The following SPA17 variants were observed in gnomAD, a reference collection of about 807,000 sequenced individuals.
SPA17 encodes the protein sperm surface protein Sp17.
Under a neutral mutation model 13.8 loss-of-function variants are expected in SPA17, and 7 were observed. The observed-to-expected ratio is 0.51, with a 90% CI of 0.29 to 0.95. SPA17 has a LOEUF of 0.95. SPA17 is among the 40% of genes least tolerant of loss of function. The pLI, the probability that SPA17 is intolerant of heterozygous loss-of-function variation, is 0.08. For missense variants in SPA17, 170 were observed against 179.3 expected (o/e 0.95, Z 0.30); for synonymous variants, 61 against 59.0 (o/e 1.03, Z -0.16).
intron 2 of SPA17, among the ~76,000 whole-genome samples, chr11:124,680,285 GA>G (rs536464866): frequency 9.2e-5 from 14 of 151,920 alleles, no homozygotes; most frequent in East Asian, 3.9e-4. Flanking sequence ...TATACTTGCA[GA>G]AAAAAAATCA....
intron 4 of SPA17, among the ~76,000 whole-genome samples, chr11:124,693,791 A>G (rs572311732): frequency 6.6e-6 from 1 of 152,302 alleles, no homozygotes; most frequent in East Asian, 1.9e-4. Context: ...CCAAAGTTCA[A>G]CCAACCCTGT....
Position 124,673,970 on chromosome 11 carries a change from C to T in SPA17, c.-28+18C>T. Reference sequence around the variant, plus strand: ...GAAAGGAGGTGAGGCCGCTTCCCCACTTCCTCTCCGATACCAAGACCTAGC... The same window carrying T: ...GAAAGGAGGTGAGGCCGCTTCCCCATTTCCTCTCCGATACCAAGACCTAGC... On this transcript the variant is annotated intron_variant, in intron 1 of 4. Transcript: ENST00000227135. The T allele has an allele frequency of 1.8e-6, 1 of 552,054 alleles. No individual in the cohort carries two copies. The highest frequency in any genetic ancestry group is 3.2e-6 in the Non-Finnish European group (1 of 308,844). The allele number at this position is 552,054 out of a possible 1,614,324, so 34.2% of individuals were successfully genotyped here. A position where few individuals can be genotyped will look rare whatever the true frequency, so the allele number is the denominator to read the frequency against.
At chr11:124,689,512 C>G (rs1411762994) in intron 3 of SPA17, among the ~76,000 whole-genome samples, 2 of 152,036 alleles carry the variant, frequency 1.3e-5, no homozygotes, top group Non-Finnish European at 2.9e-5. Flanking sequence ...AAGGGCTGGG[C>G]GTGGTGGTTC....
intron 3 of SPA17, among the ~76,000 whole-genome samples, chr11:124,683,257 A>T (rs1400161494): frequency 6.6e-6 from 1 of 152,226 alleles, no homozygotes; most frequent in Non-Finnish European, 1.5e-5. Flanking sequence ...GGAAGCAAAA[A>T]AATGGAAGTT....
Position 124,696,522 on chromosome 11 carries a change from G to T in SPA17, c.*2076G>T, listed in dbSNP as rs678485. 0.99 allele frequency: 150,715 copies of T among 152,332 alleles called. 74,561 individuals carry two copies. The highest frequency in any genetic ancestry group is 1 in the East Asian group (5,186 of 5,186). The allele number at this position is 152,332 out of a possible 1,614,324, so 9.4% of individuals were successfully genotyped here. A position where few individuals can be genotyped will look rare whatever the true frequency, so the allele number is the denominator to read the frequency against. The stretch of plus-strand genomic sequence containing the variant: ...ACACAGATCTCATGGTAGTGATATT[G>T]GTAGTGAAGGAGGAAAAGGAAAAGG... On this transcript the variant is annotated 3_prime_UTR_variant, in exon 5 of 5. Coordinates refer to ENST00000227135, the MANE Select transcript of SPA17 (RefSeq NM_017425.4).
At chr11:124,688,004 C>G (rs1392696392) in intron 3 of SPA17, among the ~76,000 whole-genome samples, 3 of 152,048 alleles carry the variant, frequency 2.0e-5, no homozygotes, top group African/African-American at 7.2e-5. Flanking sequence ...TATCTCTGTT[C>G]ACTGATATAT....
Position 124,691,732 on chromosome 11 carries a change from G to C in SPA17, c.262G>C (p.Glu88Gln). The C allele has an allele frequency of 6.2e-7, 1 of 1,612,520 alleles. No homozygotes were observed. Among genetic ancestry groups the C allele is most frequent in the Non-Finnish European group, 8.5e-7 (1 of 1,179,434 alleles). The change falls in exon 4 of 5, where the codon GAA (glutamate) becomes CAA (glutamine). Residue 88 changes from glutamate (E) to glutamine (Q), a missense_variant. By Grantham distance (29) the Glu-to-Gln change is conservative. Transcript: ENST00000227135. ...ACCTGAGAAAAGTGATCCTAAACAA[G>C]AAGAGTCTCAGATATCTGGGAAGGA... Reference protein sequence around the residue: ...EPPEKSDPKQEESQISGKEEE... With the variant: ...EPPEKSDPKQQESQISGKEEE...
chr11:124,686,410 T>C (rs1348730586), intron 3 of SPA17, among the ~76,000 whole-genome samples: 1 of 152,216 alleles, frequency 6.6e-6, no homozygotes, highest in African/African-American at 2.4e-5. Flanking sequence ...TACAATAGCA[T>C]TGGACTTAAA....
Position 124,695,794 on chromosome 11 carries a change from C to G in SPA17, c.*1348C>G, listed in dbSNP as rs1173661923. Reference sequence around the variant, plus strand: ...TGTTCCCCCAAAGCTTAAAAACAAGCCAGGATGGCTCAGTCCTGAGGAGAT... The same window carrying G: ...TGTTCCCCCAAAGCTTAAAAACAAGGCAGGATGGCTCAGTCCTGAGGAGAT... On this transcript the variant is annotated 3_prime_UTR_variant, in exon 5 of 5. Transcript: ENST00000227135. 6.6e-6 allele frequency: 1 copy of G among 152,268 alleles called. No individual in the cohort carries two copies. Among genetic ancestry groups the G allele is most frequent in the Non-Finnish European group, 1.5e-5 (1 of 68,086 alleles). 9.4% of individuals were successfully genotyped at this position (152,268 alleles called of 1,614,324 possible).
At position 124,682,782 on chromosome 11, in the gene SPA17, A is replaced by G. The variant is rs566736424; in HGVS notation, c.225+1323A>G. Among the ~76,000 whole-genome samples the G allele has an allele frequency of 2.6e-5, 4 of 152,274 alleles. No homozygotes were observed. In the East Asian group the frequency reaches 7.7e-4, roughly 29 times the overall value. On this transcript the variant is annotated intron_variant, in intron 3 of 4. Coordinates refer to ENST00000227135, the MANE Select transcript of SPA17 (RefSeq NM_017425.4). ...TTGAATTATTGGTATCCGCAAGGAC[A>G]AAAAGATCAGAAGGCTTAGAAAACC...
rs750432358 is a variant in SPA17 at position 124,691,688 on chromosome 11, C to T, written c.226-8C>T. 6.3e-7 allele frequency: 1 copy of T among 1,590,994 alleles called. No homozygotes were observed. The highest frequency in any genetic ancestry group is 8.6e-7 in the Non-Finnish European group (1 of 1,169,476). On this transcript the variant is annotated splice_polypyrimidine_tract_variant and splice_region_variant and intron_variant, in intron 3 of 4. Transcript: ENST00000227135. ...ATTGCTAATTGTGGCTCTCTCCTAT[C>T]TGTCCAGGAGCAAGAACCACCTGAG...
At chr11:124,685,874 CTGTACCCCCAT>C (rs1477029079) in intron 3 of SPA17, among the ~76,000 whole-genome samples, 5 of 152,190 alleles carry the variant, frequency 3.3e-5, no homozygotes, top group African/African-American at 4.8e-5. Context: ...TACCCAATGC[CTGTACCCCCAT>C]TGTATCTGGG....
chr11:124,675,340 G>C lies in SPA17; in HGVS notation c.76G>C (p.Glu26Gln). 6.2e-7 allele frequency: 1 copy of C among 1,614,178 alleles called. No homozygotes were observed. Among genetic ancestry groups the C allele is most frequent in the South Asian group, 1.1e-5 (1 of 91,082 alleles). Residue 26 changes from glutamate (E) to glutamine (Q), a missense_variant, in exon 2 of 5, where the codon GAG becomes CAG. By Grantham distance (29) the Glu-to-Gln change is conservative. Coordinates refer to ENST00000227135, the MANE Select transcript of SPA17 (RefSeq NM_017425.4). ...GAATCTTCTTGAAGGGCTGACACGC[G>C]AGATTCTGAGAGAGCAACCGGACAA... ...FGNLLEGLTREILREQPDNIP... is the reference protein window; with the variant it reads ...FGNLLEGLTRQILREQPDNIP...
At chr11:124,681,557 G>A in intron 3 of SPA17, 98 bp downstream of exon 3, 1 of 675,768 alleles carries the variant, frequency 1.5e-6, no homozygotes, top group Non-Finnish European at 2.2e-6. Context: ...ATTATGTGAG[G>A]AGGCATCACA....
intron 3 of SPA17, among the ~76,000 whole-genome samples, chr11:124,683,536 T>TA (rs57544674): frequency 0.017 from 2,346 of 135,878 alleles, 56 homozygotes; most frequent in African/African-American, 0.048. Flanking sequence ...TGGATTTCTT[T>TA]AAAAAAAAAA....
At chr11:124,687,683 A>G (rs1314119953) in intron 3 of SPA17, among the ~76,000 whole-genome samples, 1 of 152,220 alleles carries the variant, frequency 6.6e-6, no homozygotes, top group African/African-American at 2.4e-5. Context: ...TCACATCAAC[A>G]AAATGAAAGA....
At chr11:124,684,702 TC>T (rs1264373492) in intron 3 of SPA17, among the ~76,000 whole-genome samples, 3 of 152,188 alleles carry the variant, frequency 2.0e-5, no homozygotes, top group Admixed American at 6.5e-5. Flanking sequence ...ATCTGGAACT[TC>T]CTAGAGACTT....
Position 124,689,513 on chromosome 11 carries a change from G to A in SPA17, c.226-2183G>A, listed in dbSNP as rs138918402. Among the ~76,000 whole-genome samples the A allele has an allele frequency of 1.1e-3, 166 of 152,238 alleles. 3 individuals carry two copies. Among genetic ancestry groups the A allele is most frequent in the Non-Finnish European group, 1.9e-4 (13 of 67,996 alleles). ...TTAAAAAGTGGGCAAAGGGCTGGGC[G>A]TGGTGGTTCATGCCTGTAATCCCAG... On this transcript the variant is annotated intron_variant, in intron 3 of 4. Coordinates refer to ENST00000227135, the MANE Select transcript of SPA17 (RefSeq NM_017425.4).
chr11:124,674,735 C>A (rs1006232367), intron 1 of SPA17: 2 of 152,966 alleles, frequency 1.3e-5, no homozygotes, highest in African/African-American at 4.8e-5. Flanking sequence ...CGAAGGTGTT[C>A]GAAGCATTGT....
Sources: allele counts gnomAD v4.1 joint callset (sites outside exome capture counted in the v4.1 genomes callset), GRCh38; gene constraint gnomAD v4.1.1; transcripts MANE v1.5; gene names NCBI Gene and HGNC (gene_info 2026-07-23, HGNC 2026-07-21).